The following NAPEPLD variants were observed in gnomAD, a reference collection of about 807,000 sequenced individuals.
NAPEPLD encodes the protein N-acyl-phosphatidylethanolamine-hydrolyzing phospholipase D.
Under a neutral mutation model 38.1 loss-of-function variants are expected in NAPEPLD, and 23 were observed. The observed-to-expected ratio is 0.60, with a 90% CI of 0.43 to 0.86. The LOEUF is 0.86. Among genes scored for constraint, NAPEPLD ranks in the 40% least tolerant of loss-of-function variants. The probability of loss-of-function intolerance (pLI) is 0.00; values close to 1 mark genes in which losing one functional copy is unlikely to be tolerated. For synonymous variants in NAPEPLD, 147 were observed against 162.0 expected (o/e 0.91, Z 0.71); for missense variants, 411 against 476.8 (o/e 0.86, Z 1.28).
At chr7:103,126,517 A>G (rs1807822043) in intron 2 of NAPEPLD, among the ~76,000 whole-genome samples, 1 of 152,124 alleles carries the variant, frequency 6.6e-6, no homozygotes, top group Admixed American at 6.5e-5. Flanking sequence ...TTGGGACACA[A>G]CTGTTCATAA....
At chr7:103,148,739 A>G (rs1813124957) in intron 1 of NAPEPLD, 72 bp downstream of exon 1, 4 of 860,064 alleles carry the variant, frequency 4.7e-6, no homozygotes, top group South Asian at 5.4e-5. Flanking sequence ...CTATAGATGA[A>G]GCAACAATAA....
chr7:103,147,796 T>A (rs1320979836), intron 1 of NAPEPLD, among the ~76,000 whole-genome samples: 1 of 152,210 alleles, frequency 6.6e-6, no homozygotes, highest in Non-Finnish European at 1.5e-5. Context: ...ATACACTAAG[T>A]ATTTTTATCT....
chr7:103,143,656 G>C lies in NAPEPLD; in HGVS notation c.-17+5155C>G, dbSNP rs560000891. Among the ~76,000 whole-genome samples, 3 of 152,306 alleles carry C rather than the reference G, an allele frequency of 2.0e-5. No homozygotes were observed. In the East Asian group the frequency reaches 5.8e-4, roughly 29 times the overall value. On this transcript the variant is annotated intron_variant, in intron 1 of 4. Transcript: ENST00000465647. Reference sequence around the variant, plus strand: ...CACATCCAAGGAATGGCATCGAGGAGAGCCAGAAGGACTTCAGGGCCCACC... The same window carrying C: ...CACATCCAAGGAATGGCATCGAGGACAGCCAGAAGGACTTCAGGGCCCACC...
At chr7:103,110,632 G>A (rs1804323921) in intron 4 of NAPEPLD, among the ~76,000 whole-genome samples, 1 of 152,046 alleles carries the variant, frequency 6.6e-6, no homozygotes, top group African/African-American at 2.4e-5. Flanking sequence ...CTACTAAATG[G>A]GCAAAAACTG....
In NAPEPLD at chr7:103,101,211, T is replaced by A. The variant is rs1802348738; in HGVS notation, c.*2218A>T. 2.0e-5 allele frequency: 3 copies of A among 152,134 alleles called. No individual in the cohort carries two copies. The highest frequency in any genetic ancestry group is 2.9e-5 in the Non-Finnish European group (2 of 68,018). 9.4% of individuals were successfully genotyped at this position (152,134 alleles called of 1,614,324 possible). A position where few individuals can be genotyped will look rare whatever the true frequency, so the allele number is the denominator to read the frequency against. On this transcript the variant is annotated 3_prime_UTR_variant, in exon 5 of 5. Transcript: ENST00000465647. ...ACTCACCATAAACCTAACATCTTGATTCACATCTGCTTGGAGTGAAAAAGT... is the reference window on the plus strand; with the variant it reads ...ACTCACCATAAACCTAACATCTTGAATCACATCTGCTTGGAGTGAAAAAGT...
intron 1 of NAPEPLD, among the ~76,000 whole-genome samples, chr7:103,133,843 C>G (rs1809489902): frequency 6.6e-6 from 1 of 152,192 alleles, no homozygotes; most frequent in Admixed American, 6.5e-5. Flanking sequence ...TACACAAAAA[C>G]TGTAAACAAC....
intron 1 of NAPEPLD, chr7:103,141,424 G>T: frequency 1.1e-6 from 1 of 873,460 alleles, no homozygotes; most frequent in Non-Finnish European, 2.0e-6. Context: ...GCTCTTCATA[G>T]CTCTTGTGTG....
At chr7:103,104,484 G>A (rs1802909131) in intron 4 of NAPEPLD, among the ~76,000 whole-genome samples, 2 of 152,204 alleles carry the variant, frequency 1.3e-5, no homozygotes, top group African/African-American at 4.8e-5. Context: ...AGGAAAACCA[G>A]GCAAGTTTCC....
intron 4 of NAPEPLD, among the ~76,000 whole-genome samples, chr7:103,106,374 T>C (rs1318417149): frequency 6.6e-6 from 1 of 150,582 alleles, no homozygotes; most frequent in Non-Finnish European, 1.5e-5. Flanking sequence ...CATACCCCAG[T>C]GGCACCTGTA....
chr7:103,114,957 T>G (rs1267285348), intron 4 of NAPEPLD, 103 bp downstream of exon 4: 1 of 775,388 alleles, frequency 1.3e-6, no homozygotes, highest in African/African-American at 1.7e-5. Context: ...GACTGTGCAG[T>G]ATCTGATTCC....
intron 4 of NAPEPLD, among the ~76,000 whole-genome samples, chr7:103,110,791 C>A (rs1190579186): frequency 1.3e-5 from 2 of 152,142 alleles, no homozygotes; most frequent in African/African-American, 4.8e-5. Flanking sequence ...GTCAGATTGT[C>A]TCTGTTTGCA....
intron 1 of NAPEPLD, among the ~76,000 whole-genome samples, chr7:103,145,364 A>G (rs995212699): frequency 1.3e-5 from 2 of 152,216 alleles, no homozygotes; most frequent in African/African-American, 4.8e-5. Flanking sequence ...AAGAGGCTCC[A>G]AACAGCACAT....
intron 4 of NAPEPLD, among the ~76,000 whole-genome samples, chr7:103,112,415 A>G (rs1266379614): frequency 1.3e-5 from 2 of 152,226 alleles, no homozygotes; most frequent in Admixed American, 6.5e-5. Context: ...ATGGAATACT[A>G]TGCAGCCATA....
intron 1 of NAPEPLD, chr7:103,141,932 A>G (rs796194609): frequency 1.0e-6 from 1 of 963,768 alleles, no homozygotes; most frequent in Non-Finnish European, 1.7e-6. Flanking sequence ...AAGCCTGAGC[A>G]TACTCAAGGC....
At chr7:103,149,721 C>T (rs948845130), upstream of NAPEPLD, among the ~76,000 whole-genome samples, 3 of 152,184 alleles carry the variant, frequency 2.0e-5, no homozygotes, top group African/African-American at 4.8e-5. Flanking sequence ...TGGTTCCCCC[C>T]GCTGTCCTAA....
intron 4 of NAPEPLD, among the ~76,000 whole-genome samples, chr7:103,103,901 A>G (rs1240485815): frequency 6.6e-6 from 1 of 152,220 alleles, no homozygotes; most frequent in East Asian, 1.9e-4. Context: ...TTATTAGAGA[A>G]TTACATGTTA....
intron 4 of NAPEPLD, among the ~76,000 whole-genome samples, chr7:103,114,855 G>A (rs1193260669): frequency 2.0e-5 from 1 of 49,462 alleles, no homozygotes; most frequent in Non-Finnish European, 7.4e-5. Flanking sequence ...AACACAATGA[G>A]GTTGTGTTGT....
intron 4 of NAPEPLD, among the ~76,000 whole-genome samples, chr7:103,110,400 T>C (rs747439903): frequency 3.7e-4 from 56 of 152,204 alleles, no homozygotes; most frequent in Non-Finnish European, 6.0e-4. Flanking sequence ...TCAAGTCAGC[T>C]TCATACCTGG....
At chr7:103,106,245 C>G (rs966028478) in intron 4 of NAPEPLD, among the ~76,000 whole-genome samples, 2 of 152,156 alleles carry the variant, frequency 1.3e-5, no homozygotes, top group Non-Finnish European at 2.9e-5. Flanking sequence ...GTGTTCGTAA[C>G]AGGCAGACCA....
Sources: gnomAD v4.1 joint callset for allele counts (sites outside exome capture counted in the v4.1 genomes callset) on GRCh38, gnomAD v4.1.1 for gene constraint, MANE v1.5 for transcripts, NCBI Gene and HGNC (gene_info 2026-07-23, HGNC 2026-07-21) for gene names.